Variants in ZNF283 observed in about 807,000 individuals in gnomAD.
ZNF283 encodes zinc finger protein 283.
ZNF283 carries 10 observed loss-of-function variants against 9.2 expected under a neutral mutation model. The ratio of observed to expected loss-of-function variants is 1.09; its 90% confidence interval spans 0.67 to 1.85. The LOEUF (loss-of-function observed/expected upper bound fraction) is 1.85, where lower values mean the gene tolerates loss of function less well. Ranked by LOEUF, ZNF283 falls within the 40% of genes most tolerant of loss-of-function variation. The probability of loss-of-function intolerance (pLI) is 0.00; values close to 1 mark genes in which losing one functional copy is unlikely to be tolerated. For synonymous variants in ZNF283, 234 were observed against 244.1 expected (o/e 0.96, Z 0.38); for missense variants, 631 against 760.1 (o/e 0.83, Z 2.00).
Position 43,850,070 on chromosome 19 carries a change from A to G in ZNF283, c.*1429A>G, listed in dbSNP as rs1265862174. ...TTATCCCTTAAGCTGAGCTAAAAAA[A>G]TGAGACTTGAAAAAATCCAGACTTT... On this transcript the variant is annotated 3_prime_UTR_variant, in exon 7 of 7. Transcript: ENST00000618787. 3 of 152,186 alleles carry G rather than the reference A, an allele frequency of 2.0e-5. No homozygotes were observed. The highest frequency in any genetic ancestry group is 7.2e-5 in the African/African-American group (3 of 41,436). The allele number at this position is 152,186 out of a possible 1,614,324, so 9.4% of individuals were successfully genotyped here.
At chr19:43,846,895 CT>C (rs755057869) in intron 6 of ZNF283, 43 bp from the exon 7 acceptor site, 458 of 1,196,966 alleles carry the variant, frequency 3.8e-4, no homozygotes, top group Non-Finnish European at 4.6e-4. Flanking sequence ...TTTTTTTTCC[CT>C]AGTGAAGGAA....
At chr19:43,845,655 G>T (rs954155760) in intron 6 of ZNF283, among the ~76,000 whole-genome samples, 7 of 152,096 alleles carry the variant, frequency 4.6e-5, no homozygotes, top group African/African-American at 1.4e-4. Flanking sequence ...AAATTATGCA[G>T]ATTTATTTTC....
chr19:43,832,683 A>G (rs1353400190), intron 3 of ZNF283, among the ~76,000 whole-genome samples: 1 of 152,194 alleles, frequency 6.6e-6, no homozygotes, highest in Non-Finnish European at 1.5e-5. Flanking sequence ...TTGGCATAAC[A>G]GGATAAGGGA....
Position 43,849,333 on chromosome 19 carries a change from G to A in ZNF283, c.*692G>A, listed in dbSNP as rs1971544413. On this transcript the variant is annotated 3_prime_UTR_variant, in exon 7 of 7. Coordinates refer to ENST00000618787, the MANE Select transcript of ZNF283 (RefSeq NM_181845.2). ...CAAAATTATCAGTCCATAAATGATTGAGAATTGAAAACAAAGTTTGTTCTT... is the reference window on the plus strand; with the variant it reads ...CAAAATTATCAGTCCATAAATGATTAAGAATTGAAAACAAAGTTTGTTCTT... The A allele has an allele frequency of 6.6e-6, 1 of 152,146 alleles. No homozygotes were observed. The highest frequency in any genetic ancestry group is 2.4e-5 in the African/African-American group (1 of 41,436). The allele number at this position is 152,146 out of a possible 1,614,324, so 9.4% of individuals were successfully genotyped here. A position where few individuals can be genotyped will look rare whatever the true frequency, so the allele number is the denominator to read the frequency against.
chr19:43,840,261 T>G (rs1274980065), intron 6 of ZNF283, among the ~76,000 whole-genome samples: 1 of 152,196 alleles, frequency 6.6e-6, no homozygotes, highest in Non-Finnish European at 1.5e-5. Flanking sequence ...CCTTTAAATC[T>G]TCCAATAGAT....
Position 43,850,716 on chromosome 19 carries a change from T to C in ZNF283, c.*2075T>C, listed in dbSNP as rs10412955. ...TGTTGGGATTACAGGTGTGAGACAC[T>C]GCGCCTGGCTATATTTTACTATTTG... On this transcript the variant is annotated 3_prime_UTR_variant, in exon 7 of 7. Transcript: ENST00000618787. The C allele has an allele frequency of 0.4, 61,457 of 151,920 alleles. 12,855 individuals are homozygous for C. Among genetic ancestry groups the C allele is most frequent in the South Asian group, 0.55 (2,651 of 4,812 alleles). 9.4% of individuals were successfully genotyped at this position (151,920 alleles called of 1,614,324 possible). A position where few individuals can be genotyped will look rare whatever the true frequency, so the allele number is the denominator to read the frequency against.
In ZNF283 at chr19:43,847,839, A is replaced by C. The variant is rs540370202; in HGVS notation, c.1238A>C (p.Asn413Thr). Residue 413 changes from asparagine to threonine, a missense_variant, in exon 7 of 7, where the codon AAT becomes ACT. Physicochemically the swap from Asn to Thr is moderately conservative, Grantham distance 65. Transcript: ENST00000618787. ...YECKECGKAF[N>T]CGSSLIQHER... is the part of the protein sequence containing the mutation. ...TGCAAGGAATGTGGGAAGGCTTTTA[A>C]TTGCGGATCAAGTCTTATTCAACAT... 4 of 1,608,956 alleles carry C rather than the reference A, an allele frequency of 2.5e-6. No individual in the cohort carries two copies. Among genetic ancestry groups the C allele is most frequent in the Admixed American group, 3.4e-5 (2 of 59,576 alleles).
rs1302268726 is a variant in ZNF283 at position 43,851,727 on chromosome 19, AAAT to A, written c.*3089_*3091del. The A allele has an allele frequency of 6.6e-6, 1 of 152,304 alleles. No homozygotes were observed. The highest frequency in any genetic ancestry group is 1.5e-5 in the Non-Finnish European group (1 of 68,084). 9.4% of individuals were successfully genotyped at this position (152,304 alleles called of 1,614,324 possible). A position where few individuals can be genotyped will look rare whatever the true frequency, so the allele number is the denominator to read the frequency against. On this transcript the variant is annotated 3_prime_UTR_variant, in exon 7 of 7. Coordinates refer to ENST00000618787, the MANE Select transcript of ZNF283 (RefSeq NM_181845.2). Reference sequence around the variant, plus strand: ...GCGAGACTCCGTCTCAAAAAAATAAAAATAAAAAAAGACTAAGGAGTATTCTAG... The same window carrying A: ...GCGAGACTCCGTCTCAAAAAAATAAAAAAAAAAGACTAAGGAGTATTCTAG...
intron 6 of ZNF283, among the ~76,000 whole-genome samples, chr19:43,838,619 C>A (rs950608119): frequency 6.6e-6 from 1 of 152,126 alleles, no homozygotes; most frequent in Non-Finnish European, 1.5e-5. Flanking sequence ...ACACACAAGA[C>A]CCTACCTCAA....
intron 6 of ZNF283, among the ~76,000 whole-genome samples, chr19:43,845,900 A>C (rs546476534): frequency 7.2e-5 from 11 of 152,280 alleles, no homozygotes; most frequent in African/African-American, 2.6e-4. Context: ...CAATTTTAAA[A>C]TATAATTAAC....
rs769170604 is a variant in ZNF283, at chr19:43,831,367, G to C, written c.-15G>C. On this transcript the variant is annotated 5_prime_UTR_variant, in exon 3 of 7. Coordinates refer to ENST00000618787, the MANE Select transcript of ZNF283 (RefSeq NM_181845.2). ...TCATTACATTGAATAACAGCTACAG[G>C]ATGTTCGAGAGCTGGTAGGTGTAAA... 2 of 1,595,658 alleles carry C rather than the reference G, an allele frequency of 1.3e-6. No homozygotes were observed. Among genetic ancestry groups the C allele is most frequent in the Non-Finnish European group, 1.7e-6 (2 of 1,178,602 alleles).
Position 43,846,974 on chromosome 19 carries a change from T to A in ZNF283, c.373T>A (p.Phe125Ile), listed in dbSNP as rs1971424632. 3.8e-6 allele frequency: 6 copies of A among 1,581,082 alleles called. No individual in the cohort carries two copies. Among genetic ancestry groups the A allele is most frequent in the Non-Finnish European group, 5.2e-6 (6 of 1,164,120 alleles). ...AAAAACGTATGAGACCAAAAAAATATTTTCAGAAAATGATATTTTTGAAAT... is the reference window on the plus strand; with the variant it reads ...AAAAACGTATGAGACCAAAAAAATAATTTCAGAAAATGATATTTTTGAAAT... ...ESKTYETKKI[F>I]SENDIFEINF... The change falls in exon 7 of 7, where the codon TTT becomes ATT. Residue 125 changes from phenylalanine (F) to isoleucine (I), a missense_variant. This residue lies in a region of ZNF283 where 184 missense variants were observed against 220.0 expected (regional missense o/e 0.84). Transcript: ENST00000618787.
At position 43,847,081 on chromosome 19, in the gene ZNF283, C is replaced by A; in HGVS notation, c.480C>A (p.Cys160Ter). ...EASIFRNNWK[C>*]KSIFEGLKGH... ...CCATCTTCAGAAATAATTGGAAGTG[C>A]AAAAGCATATTCGAGGGACTAAAAG... Residue 160 changes from cysteine to a stop codon, truncating the protein, a stop_gained, in exon 7 of 7, where the codon TGC (cysteine) becomes TGA (stop). Coordinates refer to ENST00000618787, the MANE Select transcript of ZNF283 (RefSeq NM_181845.2). LOFTEE classifies it low-confidence loss of function (END_TRUNC). The A allele has an allele frequency of 1.2e-6, 2 of 1,612,962 alleles. No individual in the cohort carries two copies. The highest frequency in any genetic ancestry group is 1.7e-6 in the Non-Finnish European group (2 of 1,179,440).
At chr19:43,836,957 C>T in intron 5 of ZNF283, 96 bp from the exon 6 acceptor site, 1 of 1,348,398 alleles carries the variant, frequency 7.4e-7, no homozygotes, top group Non-Finnish European at 1.0e-6. Flanking sequence ...TGTTATATTT[C>T]TCCCCCTCTT....
At position 43,839,184 on chromosome 19, in the gene ZNF283, C is replaced by T. The variant is rs542585783; in HGVS notation, c.337+2005C>T. On this transcript the variant is annotated intron_variant, in intron 6 of 6. Transcript: ENST00000618787. Reference sequence around the variant, plus strand: ...TTTTTCTGGAAATGCCTTAATTTCACCTTTATTCTTAAAGGACAGTTTTTG... The same window carrying T: ...TTTTTCTGGAAATGCCTTAATTTCATCTTTATTCTTAAAGGACAGTTTTTG... Among the ~76,000 whole-genome samples the T allele has an allele frequency of 4.0e-5, 6 of 151,884 alleles. No homozygotes were observed. The South Asian group carries it at 1.3e-3, about 32-fold the overall frequency.
At chr19:43,832,667 G>A (rs1970764113) in intron 3 of ZNF283, among the ~76,000 whole-genome samples, 1 of 152,150 alleles carries the variant, frequency 6.6e-6, no homozygotes, top group Non-Finnish European at 1.5e-5. Flanking sequence ...GTAGCCTTAA[G>A]TTTCTTTGGC....
At position 43,837,108 on chromosome 19, in the gene ZNF283, G is replaced by A. The variant is rs562270667; in HGVS notation, c.266G>A (p.Cys89Tyr). The stretch of plus-strand genomic sequence containing the variant: ...GACTTCTCTCAGGAGGAGTGGGAAT[G>A]CCTGGACCCTGCTCAGAGGGACTTG... ...AIDFSQEEWE[C>Y]LDPAQRDLYV... The change falls in exon 6 of 7, where the codon TGC (cysteine) becomes TAC (tyrosine). Residue 89 changes from cysteine (C) to tyrosine (Y), a missense_variant. By Grantham distance (194) the Cys-to-Tyr change is radical (BLOSUM62 -2). This residue lies in a region of ZNF283 where 184 missense variants were observed against 220.0 expected (regional missense o/e 0.84). Transcript: ENST00000618787. The A allele has an allele frequency of 6.8e-6, 11 of 1,614,134 alleles. No individual in the cohort carries two copies. The highest frequency in any genetic ancestry group is 5.3e-5 in the African/African-American group (4 of 75,046).
At chr19:43,843,234 G>A (rs1452723213) in intron 6 of ZNF283, among the ~76,000 whole-genome samples, 2 of 152,116 alleles carry the variant, frequency 1.3e-5, no homozygotes, top group African/African-American at 4.8e-5. Flanking sequence ...CCAGCTACTC[G>A]GGAGGCTGAG....
chr19:43,842,570 A>G (rs1971255782), intron 6 of ZNF283, among the ~76,000 whole-genome samples: 1 of 152,236 alleles, frequency 6.6e-6, no homozygotes, highest in South Asian at 2.1e-4. Context: ...TTTTATCCTT[A>G]GTCCTGGACA....
Sources: allele counts gnomAD v4.1 joint callset (sites outside exome capture counted in the v4.1 genomes callset), GRCh38; gene constraint gnomAD v4.1.1; regional missense constraint gnomAD v4.1.1; transcripts MANE v1.5; gene names NCBI Gene and HGNC (gene_info 2026-07-23, HGNC 2026-07-21).